The following ARL13B variants were observed in gnomAD, a reference collection of about 807,000 sequenced individuals.
ARL13B encodes the protein ARF like GTPase 13B.
Under a neutral mutation model 56.1 loss-of-function variants are expected in ARL13B, and 36 were observed. The ratio of observed to expected loss-of-function variants is 0.64; its 90% confidence interval spans 0.49 to 0.85. The LOEUF (loss-of-function observed/expected upper bound fraction) is 0.85, where lower values mean the gene tolerates loss of function less well. ARL13B is among the 40% of genes least tolerant of loss of function. The pLI is 0.00. For synonymous variants in ARL13B, 178 were observed against 171.1 expected, an observed-to-expected ratio of 1.04 and a Z score of -0.32; for missense variants, 519 against 507.1, an observed-to-expected ratio of 1.02 and a Z score of -0.23.
intron 3 of ARL13B, among the ~76,000 whole-genome samples, chr3:94,021,861 T>C (rs1429695973): frequency 6.6e-6 from 1 of 152,170 alleles, no homozygotes; most frequent in Non-Finnish European, 1.5e-5. Flanking sequence ...AGCCATAAGC[T>C]TTTTAAATAA....
chr3:94,036,873 G>C, intron 5 of ARL13B, 119 bp downstream of exon 5: 1 of 1,161,094 alleles, frequency 8.6e-7, no homozygotes, highest in Non-Finnish European at 1.2e-6. Flanking sequence ...GAAGACACTA[G>C]GTAAATTTTG....
rs140529915 is a variant in ARL13B at position 94,006,710 on chromosome 3, T to C, written c.380+2802T>C. Among the ~76,000 whole-genome samples the C allele has an allele frequency of 9.2e-3, 1,401 of 152,348 alleles. 14 individuals are homozygous for C. Among genetic ancestry groups the C allele is most frequent in the African/African-American group, 0.03 (1,237 of 41,572 alleles). ...AGAATATGTAAAGAATATGAGACTT[T>C]TAAAAATACAATTTTGATAATTTTA... On this transcript the variant is annotated intron_variant, in intron 3 of 9. Coordinates refer to ENST00000394222, the MANE Select transcript of ARL13B (RefSeq NM_001174150.2).
chr3:94,045,482 G>A (rs1030238894), intron 7 of ARL13B, among the ~76,000 whole-genome samples: 5 of 149,676 alleles, frequency 3.3e-5, no homozygotes, highest in Non-Finnish European at 5.9e-5. Context: ...AAAAAAAAGA[G>A]TTAAAATGCC....
chr3:94,032,658 G>A (rs1036363058), intron 3 of ARL13B, among the ~76,000 whole-genome samples: 2 of 152,006 alleles, frequency 1.3e-5, no homozygotes, highest in Non-Finnish European at 2.9e-5. Flanking sequence ...CACCACGCCC[G>A]GCTAGTTTTT....
intron 1 of ARL13B, among the ~76,000 whole-genome samples, chr3:93,993,043 G>C (rs1191924556): frequency 6.6e-6 from 1 of 151,032 alleles, no homozygotes; most frequent in East Asian, 1.9e-4. Flanking sequence ...GAGCTCGAGT[G>C]ATCGGCCCTC....
chr3:94,012,711 T>C (rs2076246459), intron 3 of ARL13B, among the ~76,000 whole-genome samples: 1 of 152,160 alleles, frequency 6.6e-6, no homozygotes. Context: ...ACTTTATTCC[T>C]CTTTGATATT....
intron 3 of ARL13B, among the ~76,000 whole-genome samples, chr3:94,006,011 C>G (rs1276855238): frequency 1.3e-5 from 2 of 152,040 alleles, no homozygotes; most frequent in Non-Finnish European, 2.9e-5. Flanking sequence ...ATAATAAATA[C>G]AATTTTGAGC....
At chr3:94,038,257 G>T (rs1181595401) in intron 5 of ARL13B, among the ~76,000 whole-genome samples, 2 of 152,080 alleles carry the variant, frequency 1.3e-5, no homozygotes. Flanking sequence ...GCTCTATGAA[G>T]TGGTTATTTT....
Position 94,043,022 on chromosome 3 carries a change from G to A in ARL13B, c.806G>A (p.Gly269Glu), listed in dbSNP as rs527674245. 1.9e-6 allele frequency: 3 copies of A among 1,606,240 alleles called. No homozygotes were observed. Among genetic ancestry groups the A allele is most frequent in the South Asian group, 2.2e-5 (2 of 89,386 alleles). Residue 269 changes from glycine (G) to glutamate (E), a missense_variant, in exon 7 of 10, where the codon GGA (glycine) becomes GAA (glutamate). Transcript: ENST00000394222. ...TATTTTATTTTTTGTTAGAATGAAG[G>A]AAAACTTGAAAGAGAGAAAAAAAAC... ...PIASVIIENEGKLEREKKNQK... is the reference protein window; with the variant it reads ...PIASVIIENEEKLEREKKNQK...
chr3:94,023,921 T>C (rs928289738), intron 3 of ARL13B, among the ~76,000 whole-genome samples: 2 of 152,190 alleles, frequency 1.3e-5, no homozygotes, highest in Admixed American at 6.5e-5. Flanking sequence ...TCAGACCAAA[T>C]TGATCACTTT....
At chr3:94,022,094 G>A (rs1293746057) in intron 3 of ARL13B, among the ~76,000 whole-genome samples, 5 of 151,930 alleles carry the variant, frequency 3.3e-5, no homozygotes, top group African/African-American at 9.7e-5. Context: ...TAATTTGCAT[G>A]TGTAGGTATT....
At chr3:93,993,913 G>T (rs1296396532) in intron 1 of ARL13B, among the ~76,000 whole-genome samples, 1 of 151,940 alleles carries the variant, frequency 6.6e-6, no homozygotes, top group Non-Finnish European at 1.5e-5. Flanking sequence ...CACTGGCTTC[G>T]CCACCAGCCA....
At chr3:93,987,173 A>T (rs1266084542) in intron 1 of ARL13B, among the ~76,000 whole-genome samples, 2 of 151,122 alleles carry the variant, frequency 1.3e-5, no homozygotes, top group Non-Finnish European at 2.9e-5. Context: ...TTTTTTTTTA[A>T]ATAGAGACAG....
intron 3 of ARL13B, among the ~76,000 whole-genome samples, chr3:94,023,973 A>T (rs2076503657): frequency 6.6e-6 from 1 of 152,148 alleles, no homozygotes; most frequent in Non-Finnish European, 1.5e-5. Flanking sequence ...TCACAGACTG[A>T]TGTTTACAGA....
At chr3:94,052,825 T>A (rs1266060094) in intron 9 of ARL13B, among the ~76,000 whole-genome samples, 1 of 152,120 alleles carries the variant, frequency 6.6e-6, no homozygotes, top group East Asian at 1.9e-4. Context: ...AGAATCCAAA[T>A]TTGGGGGCTA....
At chr3:94,009,324 A>G (rs1196342975) in intron 3 of ARL13B, among the ~76,000 whole-genome samples, 1 of 151,540 alleles carries the variant, frequency 6.6e-6, no homozygotes, top group Non-Finnish European at 1.5e-5. Flanking sequence ...TCAACATGAG[A>G]TTTTTTTTGT....
chr3:93,986,479 C>G (rs1710469843), intron 1 of ARL13B, among the ~76,000 whole-genome samples: 1 of 152,048 alleles, frequency 6.6e-6, no homozygotes, highest in African/African-American at 2.4e-5. Context: ...ACATATGTAT[C>G]ATAAAACCTT....
chr3:93,998,692 A>G (rs370510051), intron 2 of ARL13B, among the ~76,000 whole-genome samples: 92 of 152,308 alleles, frequency 6.0e-4, no homozygotes, highest in African/African-American at 2.2e-3. Context: ...CTTACTTAGT[A>G]GAATTGATCA....
intron 3 of ARL13B, 104 bp from the exon 4 acceptor site, chr3:94,035,227 A>T: frequency 5.0e-6 from 4 of 800,164 alleles, no homozygotes; most frequent in Non-Finnish European, 8.1e-6. Context: ...ACAGAGCAAG[A>T]CTCAGTCTCA....
Sources: gnomAD v4.1 joint callset for allele counts (sites outside exome capture counted in the v4.1 genomes callset) on GRCh38, gnomAD v4.1.1 for gene constraint, MANE v1.5 for transcripts, NCBI Gene and HGNC (gene_info 2026-07-23, HGNC 2026-07-21) for gene names.